RAD23B: variants seen among roughly 807,000 people sequenced by gnomAD.
RAD23B encodes lysine-specific demethylase RAD23B.
RAD23B carries 5 observed loss-of-function variants against 49.1 expected under a neutral mutation model. That is an observed-to-expected ratio of 0.10 (90% confidence interval 0.05 to 0.21). The LOEUF is 0.21. RAD23B is among the 10% of genes least tolerant of loss of function. The probability of loss-of-function intolerance (pLI) is 1.00; values close to 1 mark genes in which losing one functional copy is unlikely to be tolerated. For missense variants in RAD23B, 356 were observed against 486.7 expected, an observed-to-expected ratio of 0.73 and a Z score of 2.53; for synonymous variants, 184 against 165.4, an observed-to-expected ratio of 1.11 and a Z score of -0.86.
At chr9:107,292,144 C>G (rs886223470) in intron 1 of RAD23B, among the ~76,000 whole-genome samples, 8 of 151,362 alleles carry the variant, frequency 5.3e-5, no homozygotes, top group Non-Finnish European at 7.4e-5. Context: ...GCTTTTTTTC[C>G]TCAAACATAG....
At chr9:107,293,515 A>G (rs2133067196) in intron 1 of RAD23B, among the ~76,000 whole-genome samples, 1 of 152,322 alleles carries the variant, frequency 6.6e-6, no homozygotes, top group East Asian at 1.9e-4. Flanking sequence ...TTAAAACTTT[A>G]CACAATTATT....
Position 107,331,688 on chromosome 9 carries a change from A to G in RAD23B, c.*2032A>G, listed in dbSNP as rs751885444. 1.5e-6 allele frequency: 1 copy of G among 651,518 alleles called. No individual in the cohort carries two copies. Among genetic ancestry groups the G allele is most frequent in the African/African-American group, 3.2e-5 (1 of 31,200 alleles). The allele number at this position is 651,518 out of a possible 1,614,324, so 40.4% of individuals were successfully genotyped here. A position where few individuals can be genotyped will look rare whatever the true frequency, so the allele number is the denominator to read the frequency against. On this transcript the variant is annotated 3_prime_UTR_variant, in exon 10 of 10. Coordinates refer to ENST00000358015, the MANE Select transcript of RAD23B (RefSeq NM_002874.5). ...ACTCAGATCATAGTGAAAACTGGAAACAAAAAAAAAAAACAGCCTCTTCTT... is the reference window on the plus strand; with the variant it reads ...ACTCAGATCATAGTGAAAACTGGAAGCAAAAAAAAAAAACAGCCTCTTCTT...
chr9:107,309,641 C>G (rs1438022997), intron 4 of RAD23B, among the ~76,000 whole-genome samples: 1 of 151,996 alleles, frequency 6.6e-6, no homozygotes, highest in African/African-American at 2.4e-5. Context: ...TTTTTAAAAA[C>G]AATGTGTGGG....
chr9:107,297,015 C>T (rs1340508396), intron 1 of RAD23B, among the ~76,000 whole-genome samples: 7 of 152,010 alleles, frequency 4.6e-5, no homozygotes, highest in East Asian at 3.9e-4. Flanking sequence ...CCACCATGCC[C>T]GGCTAATTTT....
chr9:107,314,809 A>C (rs72738212), intron 5 of RAD23B, among the ~76,000 whole-genome samples: 1 of 152,154 alleles, frequency 6.6e-6, no homozygotes, highest in South Asian at 2.1e-4. Context: ...TAAGCATTCT[A>C]TTTTCTCCAC....
At chr9:107,300,989 C>T (rs1339996044) in intron 2 of RAD23B, among the ~76,000 whole-genome samples, 1 of 152,138 alleles carries the variant, frequency 6.6e-6, no homozygotes, top group Admixed American at 6.6e-5. Flanking sequence ...ATTCAAATTT[C>T]CAGTTTCTTG....
chr9:107,311,860 T>C (rs1238471840), intron 5 of RAD23B, 123 bp downstream of exon 5: 13 of 694,714 alleles, frequency 1.9e-5, no homozygotes, highest in Non-Finnish European at 1.6e-5. Context: ...TGTAAGATGA[T>C]TGATTTAGGT....
At chr9:107,289,698 C>T (rs563152584) in intron 1 of RAD23B, among the ~76,000 whole-genome samples, 1 of 152,278 alleles carries the variant, frequency 6.6e-6, no homozygotes, top group East Asian at 1.9e-4. Flanking sequence ...TGTGTCACCT[C>T]AGGCAAGTTA....
In RAD23B at chr9:107,306,496, G is replaced by T. The variant is rs917424064; in HGVS notation, c.346G>T (p.Ala116Ser). 4 of 1,614,002 alleles carry T rather than the reference G, an allele frequency of 2.5e-6. No individual in the cohort carries two copies. The African/African-American group carries it at 5.3e-5, about 22-fold the overall frequency. The change falls in exon 4 of 10, where the codon GCC becomes TCC. Residue 116 changes from alanine (A) to serine (S), a missense_variant. Ala to Ser is a moderately conservative substitution (Grantham distance 99). This residue lies in a region of RAD23B where 137 missense variants were observed against 122.0 expected (regional missense o/e 1.12). Coordinates refer to ENST00000358015, the MANE Select transcript of RAD23B (RefSeq NM_002874.5). Reference sequence around the variant, plus strand: ...GGCTCAGGCTCCAACCCCTGTCCCTGCCTTGGCCCCCACTTCCACACCTGC... The same window carrying T: ...GGCTCAGGCTCCAACCCCTGTCCCTTCCTTGGCCCCCACTTCCACACCTGC... ...TVAQAPTPVP[A>S]LAPTSTPASI... is the part of the protein sequence containing the mutation.
At chr9:107,315,245 G>C (rs1826967536) in intron 5 of RAD23B, among the ~76,000 whole-genome samples, 1 of 152,130 alleles carries the variant, frequency 6.6e-6, no homozygotes, top group African/African-American at 2.4e-5. Context: ...TTTCCCCGGT[G>C]TATGTTTTTG....
intron 1 of RAD23B, among the ~76,000 whole-genome samples, chr9:107,289,076 CTTCCTCCCTCCTTTCCTCCCTTCT>C (rs1833333150): frequency 3.3e-5 from 1 of 30,312 alleles, no homozygotes; most frequent in African/African-American, 6.6e-5. Flanking sequence ...TCCTCCCTCC[CTTCCTCCCTCCTTTCCTCCCTTCT>C]TCCCTCCCTC....
At chr9:107,309,385 A>G (rs2133082767) in intron 4 of RAD23B, among the ~76,000 whole-genome samples, 1 of 152,344 alleles carries the variant, frequency 6.6e-6, no homozygotes, top group East Asian at 1.9e-4. Context: ...TTGAGTGAAA[A>G]AAGCAGGTTG....
chr9:107,319,131 T>TTTTTTC (rs1554743446), intron 6 of RAD23B, among the ~76,000 whole-genome samples: 33 of 125,884 alleles, frequency 2.6e-4, no homozygotes, highest in South Asian at 1.9e-3. Context: ...CTTTTTTCTT[T>TTTTTTC]TTTTTTTTTT....
chr9:107,317,007 G>A (rs1292559305), intron 5 of RAD23B, among the ~76,000 whole-genome samples: 3 of 152,182 alleles, frequency 2.0e-5, no homozygotes, highest in African/African-American at 7.2e-5. Flanking sequence ...GCCTGCTGAA[G>A]TAACACCGGG....
intron 9 of RAD23B, 79 bp from the exon 10 acceptor site, chr9:107,329,464 G>GT: frequency 3.3e-6 from 3 of 910,278 alleles, no homozygotes; most frequent in Non-Finnish European, 5.0e-6. Context: ...GTGCTATGCT[G>GT]GAATCTATAA....
chr9:107,317,441 A>G (rs10759225), intron 5 of RAD23B, among the ~76,000 whole-genome samples: 71,766 of 151,706 alleles, frequency 0.47, 17,402 homozygotes, highest in East Asian at 0.72. Flanking sequence ...CTGAATTGCA[A>G]TTAGTTGAGG....
Position 107,283,337 on chromosome 9 carries a change from C to T in RAD23B, c.-293C>T. Reference sequence around the variant, plus strand: ...GAGCTAGCGGATTCCCTGCTTGTCTCGCCGACCCCCTCGCGCCTTCTGCAG... The same window carrying T: ...GAGCTAGCGGATTCCCTGCTTGTCTTGCCGACCCCCTCGCGCCTTCTGCAG... On this transcript the variant is annotated 5_prime_UTR_variant, in exon 1 of 10. Coordinates refer to ENST00000358015, the MANE Select transcript of RAD23B (RefSeq NM_002874.5). The T allele has an allele frequency of 2.4e-6, 1 of 418,530 alleles. No individual in the cohort carries two copies. Among genetic ancestry groups the T allele is most frequent in the Non-Finnish European group, 4.2e-6 (1 of 240,004 alleles). The allele number at this position is 418,530 out of a possible 1,614,324, so 25.9% of individuals were successfully genotyped here.
chr9:107,289,689 G>GT (rs1833345102), intron 1 of RAD23B, among the ~76,000 whole-genome samples: 1 of 152,168 alleles, frequency 6.6e-6, no homozygotes, highest in Non-Finnish European at 1.5e-5. Context: ...ACCACTTGCT[G>GT]TGTCACCTCA....
At chr9:107,306,209 A>T (rs1826768179) in intron 3 of RAD23B, among the ~76,000 whole-genome samples, 170 bp from the exon 4 acceptor site, 2 of 151,500 alleles carry the variant, frequency 1.3e-5, no homozygotes, top group South Asian at 4.2e-4. Context: ...AGTAACCATG[A>T]GTCAGATTGT....
Sources: allele counts gnomAD v4.1 joint callset (sites outside exome capture counted in the v4.1 genomes callset), GRCh38; gene constraint gnomAD v4.1.1; regional missense constraint gnomAD v4.1.1; transcripts MANE v1.5; gene names NCBI Gene and HGNC (gene_info 2026-07-23, HGNC 2026-07-21).